The following PHC1 variants were observed in gnomAD, a reference collection of about 807,000 sequenced individuals.
PHC1 encodes the protein polyhomeotic-like protein 1.
In PHC1, 12 loss-of-function variants were observed where a neutral mutation model predicts 104.3. The ratio of observed to expected loss-of-function variants is 0.12; its 90% CI spans 0.07 to 0.19. The LOEUF (loss-of-function observed/expected upper bound fraction) is 0.19, where lower values mean the gene tolerates loss of function less well. PHC1 is among the 10% of genes least tolerant of loss of function. The probability of loss-of-function intolerance (pLI) is 1.00; values close to 1 mark genes in which losing one functional copy is unlikely to be tolerated. For synonymous variants in PHC1, 302 were observed against 455.8 expected (o/e 0.66, Z 4.30); for missense variants, 671 against 1,200.0 (o/e 0.56, Z 6.51).
chr12:8,929,220 C>T lies in PHC1; in HGVS notation c.613-1215C>T, dbSNP rs142109137. 3.5e-3 allele frequency among the ~76,000 whole-genome samples: 537 copies of T among 152,294 alleles called. 4 individuals carry two copies. Among genetic ancestry groups the T allele is most frequent in the African/African-American group, 0.012 (501 of 41,572 alleles). On this transcript the variant is annotated intron_variant, in intron 6 of 14. Transcript: ENST00000544916. ...TTCCTATAATCAGTTAAGCAGACAT[C>T]ATTCTTTCCCTTTATCCATATTTTG...
At chr12:8,926,359 A>G (rs1057351866) in intron 6 of PHC1, among the ~76,000 whole-genome samples, 17 of 152,124 alleles carry the variant, frequency 1.1e-4, no homozygotes, top group African/African-American at 3.6e-4. Context: ...GCTCATGCCT[A>G]TAATCCCAGC....
Position 8,919,661 on chromosome 12 carries a change from C to T in PHC1, c.115-95C>T, listed in dbSNP as rs1945301367. 2 of 1,258,748 alleles carry T rather than the reference C, an allele frequency of 1.6e-6. No homozygotes were observed. Among genetic ancestry groups the T allele is most frequent in the Non-Finnish European group, 2.2e-6 (2 of 898,726 alleles). The allele number at this position is 1,258,748 out of a possible 1,614,324, so 78.0% of individuals were successfully genotyped here. A position where few individuals can be genotyped will look rare whatever the true frequency, so the allele number is the denominator to read the frequency against. ...ACTCCCATCTCCTCTGGTTTCTGTCCTTCCCATGGCCCCCTTTCACACAAA... is the reference window on the plus strand; with the variant it reads ...ACTCCCATCTCCTCTGGTTTCTGTCTTTCCCATGGCCCCCTTTCACACAAA... On this transcript the variant is annotated intron_variant, in intron 2 of 14. Transcript: ENST00000544916. This position sits in a 1 kb window ranked among gnomAD's most constrained non-coding sequence, Gnocchi z 4.9.
Position 8,938,198 on chromosome 12 carries a change from CAAGTT to C in PHC1, c.2860+139_2860+143del, listed in dbSNP as rs1163364421. The C allele has an allele frequency of 1.3e-5, 8 of 616,210 alleles. No individual in the cohort carries two copies. In the Middle Eastern group the frequency reaches 1.3e-3, roughly 102 times the overall value. The allele number at this position is 616,210 out of a possible 1,614,324, so 38.2% of individuals were successfully genotyped here. A position where few individuals can be genotyped will look rare whatever the true frequency, so the allele number is the denominator to read the frequency against. On this transcript the variant is annotated intron_variant, in intron 14 of 14. Transcript: ENST00000544916. Reference sequence around the variant, plus strand: ...ATATAGAGGCTCTACTCCTAATATTCAAGTTGACTTCCTAATTTTTTTCTGGGTTG... The same window carrying C: ...ATATAGAGGCTCTACTCCTAATATTCGACTTCCTAATTTTTTTCTGGGTTG...
chr12:8,922,923 A>G (rs1439507209), intron 6 of PHC1, 135 bp downstream of exon 6: 6 of 723,326 alleles, frequency 8.3e-6, no homozygotes, highest in Non-Finnish European at 1.3e-5. Flanking sequence ...TCCTTCCCTT[A>G]ATCACCATAG....
In PHC1 at chr12:8,939,480, C is replaced by A; in HGVS notation, c.*21C>A. The A allele has an allele frequency of 7.4e-7, 1 of 1,350,758 alleles. No homozygotes were observed. Among genetic ancestry groups the A allele is most frequent in the Non-Finnish European group, 1.0e-6 (1 of 978,762 alleles). The allele number at this position is 1,350,758 out of a possible 1,614,324, so 83.7% of individuals were successfully genotyped here. ...CCTAAGGTGGCCCTCTTGCACAAACCAGCCTAAGGCAGACACTCTCCACTG... is the reference window on the plus strand; with the variant it reads ...CCTAAGGTGGCCCTCTTGCACAAACAAGCCTAAGGCAGACACTCTCCACTG... On this transcript the variant is annotated 3_prime_UTR_variant, in exon 15 of 15. Coordinates refer to ENST00000544916, the MANE Select transcript of PHC1 (RefSeq NM_004426.3).
intron 6 of PHC1, among the ~76,000 whole-genome samples, chr12:8,923,852 T>G (rs1397003957): frequency 1.7e-5 from 2 of 116,384 alleles, no homozygotes; most frequent in African/African-American, 6.3e-5. Flanking sequence ...AAAAAGAAAA[T>G]ATTTGGGCAA....
rs778326244 is a variant in PHC1, at chr12:8,941,191, A to T, written c.*1732A>T. 1.9e-3 allele frequency: 317 copies of T among 168,062 alleles called. No individual in the cohort carries two copies. Among genetic ancestry groups the T allele is most frequent in the Non-Finnish European group, 3.4e-3 (263 of 77,474 alleles). 10.4% of individuals were successfully genotyped at this position (168,062 alleles called of 1,614,324 possible). On this transcript the variant is annotated 3_prime_UTR_variant, in exon 15 of 15. Transcript: ENST00000544916. ...CAATTTCCACAAATGATGTGATGGT[A>T]CCGTATAATCCTGTAATTGGGAAAT... is the stretch of plus-strand genomic sequence containing the variant.
chr12:8,932,177 A>G (rs1469836577), intron 7 of PHC1, among the ~76,000 whole-genome samples: 2 of 152,210 alleles, frequency 1.3e-5, no homozygotes, highest in Non-Finnish European at 2.9e-5. Context: ...GTGAAAATGA[A>G]TAAAACATGG....
intron 11 of PHC1, 59 bp from the exon 12 acceptor site, chr12:8,936,794 AATG>A: frequency 9.8e-7 from 1 of 1,025,230 alleles, no homozygotes; most frequent in Non-Finnish European, 1.5e-6. Flanking sequence ...CTCTGAGCCT[AATG>A]ATTGCCTGAG....
At chr12:8,917,559 T>C in intron 1 of PHC1, 71 bp from the exon 2 acceptor site, 1 of 500,132 alleles carries the variant, frequency 2.0e-6, no homozygotes, top group Non-Finnish European at 3.6e-6. Context: ...TTCCTGTGTT[T>C]TTGAATAATA....
intron 13 of PHC1, 58 bp from the exon 14 acceptor site, chr12:8,937,771 A>G (rs1252468325): frequency 2.2e-6 from 3 of 1,387,226 alleles, no homozygotes; most frequent in African/African-American, 1.4e-5. Flanking sequence ...TTTGGGAAGA[A>G]AGAGAGAGGA....
At position 8,938,002 on chromosome 12, in the gene PHC1, C is replaced by T; in HGVS notation, c.2802C>T (p.Ser934=). The T allele has an allele frequency of 6.2e-7, 1 of 1,607,656 alleles. No individual in the cohort carries two copies. The highest frequency in any genetic ancestry group is 8.5e-7 in the Non-Finnish European group (1 of 1,174,924). The change falls in exon 14 of 15, where the codon TCC becomes TCT. Residue 934 remains serine (S), a synonymous_variant. Coordinates refer to ENST00000544916, the MANE Select transcript of PHC1 (RefSeq NM_004426.3). ...ATGGCATCAACCCTGTGTTCCTGTCCAGTAATCCCAGCCGTTGGAGTGTAG... is the reference window on the plus strand; with the variant it reads ...ATGGCATCAACCCTGTGTTCCTGTCTAGTAATCCCAGCCGTTGGAGTGTAG... ...ELHGINPVFL[S]SNPSRWSVEE...
Position 8,936,931 on chromosome 12 carries a change from C to G in PHC1, c.2444C>G (p.Ser815Cys), listed in dbSNP as rs752060342. The change falls in exon 12 of 15, where the codon TCT becomes TGT. Residue 815 changes from serine (S) to cysteine (C), a missense_variant. Physicochemically the swap from Ser to Cys is moderately radical, Grantham distance 112. This residue lies in a region of PHC1 where 192 missense variants were observed against 280.5 expected (regional missense o/e 0.68). Transcript: ENST00000544916. ...KYAPAEQFRG[S>C]KRFCSMTCAK... ...GCCCCCGCAGAGCAGTTTCGTGGCT[C>G]TAAGAGGTTCTGCTCCATGACTTGC... is the stretch of plus-strand genomic sequence containing the variant. 1 of 1,612,338 alleles carries G rather than the reference C, an allele frequency of 6.2e-7. No homozygotes were observed. The highest frequency in any genetic ancestry group is 1.7e-5 in the Admixed American group (1 of 59,972).
At chr12:8,927,554 C>T (rs887503929) in intron 6 of PHC1, among the ~76,000 whole-genome samples, 2 of 151,616 alleles carry the variant, frequency 1.3e-5, no homozygotes, top group Admixed American at 1.3e-4. Flanking sequence ...TGTATAGATT[C>T]GGTGGTGGAA....
rs1945364408 is a variant in PHC1 at position 8,921,588 on chromosome 12, C to T, written c.307-13C>T. On this transcript the variant is annotated splice_polypyrimidine_tract_variant and intron_variant, in intron 4 of 14. Coordinates refer to ENST00000544916, the MANE Select transcript of PHC1 (RefSeq NM_004426.3). ...CCAAATCCTTAGTCCTGGTTCCTTT[C>T]TGTACCACACAGATCAATCTGGCCA... 1 of 1,612,974 alleles carries T rather than the reference C, an allele frequency of 6.2e-7. No individual in the cohort carries two copies. Among genetic ancestry groups the T allele is most frequent in the African/African-American group, 1.3e-5 (1 of 74,888 alleles).
In PHC1 at chr12:8,922,771, C is replaced by A. The variant is rs1443982949; in HGVS notation, c.595C>A (p.His199Asn). ...GCCATCTGCTCAGTCTCCTGGAGTT[C>A]ATGCAGATGCAGATCAGGTTAGTGG... ...EVPSAQSPGV[H>N]ADADQVQNLA... Residue 199 changes from histidine to asparagine, a missense_variant, in exon 6 of 15, where the codon CAT becomes AAT. Transcript: ENST00000544916. 4.3e-6 allele frequency: 7 copies of A among 1,612,638 alleles called. No homozygotes were observed.
rs770045848 is a variant in PHC1, at chr12:8,919,797, T to C, written c.156T>C (p.Tyr52=). 6.2e-7 allele frequency: 1 copy of C among 1,612,706 alleles called. No homozygotes were observed. Among genetic ancestry groups the C allele is most frequent in the Non-Finnish European group, 8.5e-7 (1 of 1,179,624 alleles). The part of the protein sequence containing the change: ...ALQRQPNAAQ[Y]FHQFMLQQQL... ...AGCGGCAGCCCAATGCAGCTCAGTA[T>C]TTCCACCAGTTCATGCTCCAGCAGC... The change falls in exon 3 of 15, where the codon TAT becomes TAC. Residue 52 remains tyrosine (Y), a synonymous_variant. Transcript: ENST00000544916. The surrounding 1 kb of genome is among the most constrained non-coding windows in gnomAD (Gnocchi z 4.9).
At position 8,930,551 on chromosome 12, in the gene PHC1, C is replaced by T; in HGVS notation, c.729C>T (p.Ala243=). 2.5e-6 allele frequency: 4 copies of T among 1,569,264 alleles called. No homozygotes were observed. Among genetic ancestry groups the T allele is most frequent in the Non-Finnish European group, 3.5e-6 (4 of 1,156,990 alleles). ...CCCCTGTCTCTAGCCTCTCCCAGGC[C>T]TCTAGCCAGGCCCTAGCGGTGGCAC... ...GASPVSSLSQ[A]SSQALAVAQA... is the part of the protein sequence containing the mutation. Residue 243 remains alanine (A), a synonymous_variant, in exon 7 of 15, where the codon GCC becomes GCT. Transcript: ENST00000544916.
At chr12:8,921,528 A>T in intron 4 of PHC1, 73 bp from the exon 5 acceptor site, 2 of 1,365,094 alleles carry the variant, frequency 1.5e-6, no homozygotes, top group Non-Finnish European at 2.1e-6. Flanking sequence ...TGTGACTCTG[A>T]ATTTGTCAGT....
Sources: allele counts gnomAD v4.1 joint callset (sites outside exome capture counted in the v4.1 genomes callset), GRCh38; gene constraint gnomAD v4.1.1; regional missense constraint gnomAD v4.1.1; non-coding constraint Gnocchi (gnomAD v3.1); transcripts MANE v1.5; gene names NCBI Gene and HGNC (gene_info 2026-07-23, HGNC 2026-07-21).